Variants in RERE observed in about 807,000 individuals in gnomAD.
RERE encodes arginine-glutamic acid dipeptide repeats.
RERE carries 40 observed loss-of-function variants against 146.1 expected under a neutral mutation model. That is an observed-to-expected ratio of 0.27 (90% CI 0.21 to 0.36). RERE has a LOEUF of 0.36. RERE is among the 10% of genes least tolerant of loss of function. The pLI is 1.00. For missense variants in RERE, 1,933 were observed against 2,138.7 expected, an observed-to-expected ratio of 0.90 and a Z score of 1.90; for synonymous variants, 1,003 against 866.0, an observed-to-expected ratio of 1.16 and a Z score of -2.78.
At chr1:8,637,261 C>T (rs893374596) in intron 2 of RERE, among the ~76,000 whole-genome samples, 43 of 152,238 alleles carry the variant, frequency 2.8e-4, no homozygotes, top group Non-Finnish European at 5.0e-4. Context: ...GTTCCTAGCA[C>T]GACTCTACTA....
intron 12 of RERE, among the ~76,000 whole-genome samples, chr1:8,420,184 A>G (rs1643887231): frequency 6.6e-6 from 1 of 152,220 alleles, no homozygotes; most frequent in Non-Finnish European, 1.5e-5. Context: ...AGAAAATGTA[A>G]GCCAGGCATG....
At chr1:8,695,126 C>T (rs1354248250) in intron 1 of RERE, among the ~76,000 whole-genome samples, 2 of 152,100 alleles carry the variant, frequency 1.3e-5, no homozygotes, top group South Asian at 2.1e-4. Flanking sequence ...CATAAACCTA[C>T]AGCCATCTGA....
intron 12 of RERE, among the ~76,000 whole-genome samples, chr1:8,385,086 G>T (rs2124413713): frequency 6.6e-6 from 1 of 152,320 alleles, no homozygotes. Context: ...TTCCTAGCAA[G>T]ACTGAGTCAA....
intron 12 of RERE, among the ~76,000 whole-genome samples, chr1:8,400,194 T>C (rs1014824728): frequency 6.6e-6 from 1 of 150,550 alleles, no homozygotes; most frequent in Non-Finnish European, 1.5e-5. Context: ...AAATCAGTTT[T>C]GTCTCTTCCT....
intron 11 of RERE, among the ~76,000 whole-genome samples, chr1:8,447,905 G>A (rs1462878669): frequency 1.3e-5 from 2 of 152,200 alleles, no homozygotes; most frequent in Non-Finnish European, 2.9e-5. Context: ...CTGGGGAGCC[G>A]ATATTGGGTG....
intron 12 of RERE, among the ~76,000 whole-genome samples, chr1:8,375,388 T>C (rs1441035157): frequency 6.6e-6 from 1 of 152,258 alleles, no homozygotes; most frequent in Non-Finnish European, 1.5e-5. Flanking sequence ...CATTTACTGT[T>C]AGGAAAAATG....
intron 1 of RERE, among the ~76,000 whole-genome samples, chr1:8,733,009 G>A (rs942508905): frequency 6.6e-6 from 1 of 151,632 alleles, no homozygotes; most frequent in Non-Finnish European, 1.5e-5. Context: ...TTTTAGTAGA[G>A]ACGGGGTTTC....
intron 1 of RERE, among the ~76,000 whole-genome samples, chr1:8,735,442 C>T (rs1033165156): frequency 6.6e-6 from 1 of 152,208 alleles, no homozygotes; most frequent in African/African-American, 2.4e-5. Context: ...CTCTTTGTTA[C>T]ACAAATAGTA....
At chr1:8,517,148 G>T (rs964519291) in intron 7 of RERE, among the ~76,000 whole-genome samples, 4 of 152,138 alleles carry the variant, frequency 2.6e-5, no homozygotes, top group African/African-American at 9.7e-5. Context: ...CCACTCTGTG[G>T]TATCTTTGCA....
At chr1:8,415,093 T>G (rs7541550) in intron 12 of RERE, among the ~76,000 whole-genome samples, 3,197 of 152,302 alleles carry the variant, frequency 0.021, 124 homozygotes, top group African/African-American at 0.074. Context: ...ACAGACTAGA[T>G]AGATATATTT....
intron 11 of RERE, chr1:8,424,333 T>C (rs1643976442): frequency 6.6e-6 from 1 of 152,248 alleles, no homozygotes; most frequent in African/African-American, 2.4e-5. Flanking sequence ...TCCCTCCCAC[T>C]CCCTGTGTTT....
chr1:8,536,315 C>A (rs577442932), intron 7 of RERE, among the ~76,000 whole-genome samples: 1 of 151,932 alleles, frequency 6.6e-6, no homozygotes, highest in East Asian at 1.9e-4. Context: ...AGTAGCAGCA[C>A]GGGACTAGAA....
chr1:8,366,030 C>G, intron 12 of RERE, 56 bp from the exon 13 acceptor site: 2 of 1,549,340 alleles, frequency 1.3e-6, no homozygotes, highest in Non-Finnish European at 1.8e-6. Context: ...CCGTGCCCCA[C>G]GCACCCTCTC....
intron 11 of RERE, among the ~76,000 whole-genome samples, chr1:8,442,640 G>C (rs546461392): frequency 6.6e-6 from 1 of 152,030 alleles, no homozygotes; most frequent in Non-Finnish European, 1.5e-5. Flanking sequence ...GGCCTAATTC[G>C]GAAAATTGGT....
intron 2 of RERE, among the ~76,000 whole-genome samples, chr1:8,641,112 A>G (rs969891790): frequency 6.6e-6 from 1 of 152,218 alleles, no homozygotes; most frequent in Non-Finnish European, 1.5e-5. Context: ...ATAGAAGGCA[A>G]TATCTGGAAA....
Position 8,556,490 on chromosome 1 carries a change from T to C in RERE, c.710A>G (p.His237Arg), listed in dbSNP as rs1646008354. 1.9e-6 allele frequency: 3 copies of C among 1,599,662 alleles called. No individual in the cohort carries two copies. Among genetic ancestry groups the C allele is most frequent in the South Asian group, 1.1e-5 (1 of 90,778 alleles). Residue 237 changes from histidine to arginine, a missense_variant, in exon 6 of 23, where the codon CAT (histidine) becomes CGT (arginine). Around this residue, in one of 11 missense-constraint regions of RERE, gnomAD observed 37 missense variants for 46.6 expected, o/e 0.79. Transcript: ENST00000400908. ...LFISDYVDTY[H>R]AAALRGKCNI... ...CAGTACTTACCTAAGGGCAGCAGCA[T>C]GGTAAGTGTCAACGTAATCAGAAAT...
intron 8 of RERE, among the ~76,000 whole-genome samples, chr1:8,507,256 A>G (rs997045249): frequency 5.3e-5 from 8 of 152,238 alleles, no homozygotes; most frequent in African/African-American, 1.9e-4. Context: ...AGCCTTGGCA[A>G]CAGAATGAGA....
At chr1:8,719,974 A>G (rs531553738) in intron 1 of RERE, among the ~76,000 whole-genome samples, 1 of 152,236 alleles carries the variant, frequency 6.6e-6, no homozygotes, top group South Asian at 2.1e-4. Context: ...TGAATAATTT[A>G]CTCACTCATT....
At chr1:8,808,871 C>T (rs970753133) in intron 1 of RERE, among the ~76,000 whole-genome samples, 6 of 152,242 alleles carry the variant, frequency 3.9e-5, no homozygotes, top group Admixed American at 3.9e-4. Flanking sequence ...GGTGCAGTGA[C>T]TCACGCCTGT....
Sources: gnomAD v4.1 joint callset for allele counts (sites outside exome capture counted in the v4.1 genomes callset) on GRCh38, gnomAD v4.1.1 for gene constraint, gnomAD v4.1.1 regional missense constraint, MANE v1.5 for transcripts, NCBI Gene and HGNC (gene_info 2026-07-23, HGNC 2026-07-21) for gene names.